Variants in CREB5 observed in about 807,000 individuals in gnomAD.
The protein encoded by CREB5 is cyclic AMP-responsive element-binding protein 5.
In CREB5, 19 loss-of-function variants were observed where a neutral mutation model predicts 57.1. The observed-to-expected ratio is 0.33, with a 90% CI of 0.23 to 0.49. CREB5 has a LOEUF of 0.49. CREB5 is among the 20% of genes least tolerant of loss of function. The pLI is 0.99. For synonymous variants in CREB5, 238 were observed against 238.3 expected (o/e 1.00, Z 0.01); for missense variants, 579 against 671.6 (o/e 0.86, Z 1.52).
chr7:28,665,391 C>A (rs1472548513), intron 5 of CREB5, among the ~76,000 whole-genome samples: 1 of 152,140 alleles, frequency 6.6e-6, no homozygotes, highest in Non-Finnish European at 1.5e-5. Flanking sequence ...CTTCCTCCCC[C>A]AAACAGTAAT....
intron 2 of CREB5, among the ~76,000 whole-genome samples, chr7:28,490,508 C>A (rs1006642893): frequency 6.6e-6 from 1 of 152,188 alleles, no homozygotes; most frequent in East Asian, 1.9e-4. Flanking sequence ...TAAGCCATAT[C>A]TAATATTTAG....
chr7:28,388,713 C>G (rs1201256543), intron 1 of CREB5, among the ~76,000 whole-genome samples: 2 of 152,152 alleles, frequency 1.3e-5, no homozygotes, highest in Non-Finnish European at 2.9e-5. Context: ...CAAAACTGAG[C>G]CTCTGAACTC....
chr7:28,365,777 C>T (rs1032427818), intron 1 of CREB5, among the ~76,000 whole-genome samples: 11 of 152,282 alleles, frequency 7.2e-5, no homozygotes, highest in Middle Eastern at 3.4e-3. Context: ...CGCAGCCAAA[C>T]GCTCCCTCTT....
In CREB5 at chr7:28,638,353, T is replaced by TTTTTTTCTTTTTTC. The variant is rs1471531652; in HGVS notation, c.464+67822_464+67823insCTTTTTTCTTTTTT. ...AGGAAGGTTTGCATATTCTTTTTTC[T>TTTTTTTCTTTTTTC]TTTTTTTTTGGAAACAGAATCTCAC... On this transcript the variant is annotated intron_variant, in intron 5 of 10. Transcript: ENST00000357727. 1.1e-3 allele frequency among the ~76,000 whole-genome samples: 169 copies of TTTTTTTCTTTTTTC among 149,344 alleles called. 3 individuals carry two copies. Among genetic ancestry groups the TTTTTTTCTTTTTTC allele is most frequent in the African/African-American group, 3.8e-3 (156 of 40,878 alleles).
intron 1 of CREB5, among the ~76,000 whole-genome samples, chr7:28,447,605 A>T (rs1789549016): frequency 6.6e-6 from 1 of 152,080 alleles, no homozygotes; most frequent in Non-Finnish European, 1.5e-5. Flanking sequence ...GACCCTACAC[A>T]TGCACCTGCT....
chr7:28,329,056 TG>T (rs143869247), intron 1 of CREB5, among the ~76,000 whole-genome samples: 15,952 of 152,280 alleles, frequency 0.1, 1,024 homozygotes, highest in Middle Eastern at 0.16. Flanking sequence ...ATCACTTCAG[TG>T]TAACCCATGA....
At chr7:28,657,538 G>A (rs1208303730) in intron 5 of CREB5, among the ~76,000 whole-genome samples, 1 of 151,916 alleles carries the variant, frequency 6.6e-6, no homozygotes, top group Non-Finnish European at 1.5e-5. Flanking sequence ...AGACCAGCCT[G>A]GCCAATATAG....
At chr7:28,584,166 C>T (rs1796227500) in intron 5 of CREB5, among the ~76,000 whole-genome samples, 1 of 152,158 alleles carries the variant, frequency 6.6e-6, no homozygotes, top group Non-Finnish European at 1.5e-5. Context: ...TGCCCAGCCC[C>T]TGGGACAGTC....
At chr7:28,805,747 CTG>C in intron 8 of CREB5, among the ~76,000 whole-genome samples, 1 of 152,124 alleles carries the variant, frequency 6.6e-6, no homozygotes. Context: ...GCCTTCCTCA[CTG>C]TGTGATTGTG....
In CREB5 at chr7:28,507,664, G is replaced by A. The variant is rs1792536685; in HGVS notation, c.218G>A (p.Gly73Asp). 6.2e-7 allele frequency: 1 copy of A among 1,612,330 alleles called. No homozygotes were observed. The highest frequency in any genetic ancestry group is 8.5e-7 in the Non-Finnish European group (1 of 1,178,682). Residue 73 changes from glycine (G) to aspartate (D), a missense_variant, in exon 4 of 11, where the codon GGC (glycine) becomes GAC (aspartate). Around this residue, in one of 3 missense-constraint regions of CREB5, gnomAD observed 459 missense variants for 515.7 expected, o/e 0.89. Coordinates refer to ENST00000357727, the MANE Select transcript of CREB5 (RefSeq NM_182898.4). ...TTCCTGAAGAACTGCGAGGAGGTGG[G>A]CCTCTTCAGCGAGCTGGACTGCTCC... ...TRFLKNCEEV[G>D]LFSELDCSLE...
intron 1 of CREB5, among the ~76,000 whole-genome samples, chr7:28,458,722 G>A (rs1790220441): frequency 6.6e-6 from 1 of 152,142 alleles, no homozygotes; most frequent in African/African-American, 2.4e-5. Flanking sequence ...GCCTCTCTGA[G>A]CCCAATTTAG....
intron 1 of CREB5, among the ~76,000 whole-genome samples, chr7:28,428,610 A>G (rs1788597621): frequency 6.6e-6 from 1 of 152,194 alleles, no homozygotes; most frequent in Non-Finnish European, 1.5e-5. Context: ...GTTGTCATCG[A>G]CTGAGATGGG....
chr7:28,496,465 G>A (rs890766007), intron 3 of CREB5, among the ~76,000 whole-genome samples: 1 of 152,148 alleles, frequency 6.6e-6, no homozygotes, highest in Non-Finnish European at 1.5e-5. Context: ...GGTTTTGTCA[G>A]ACAGGTTATT....
chr7:28,560,981 C>CGCGTGT (rs1795227077), intron 4 of CREB5, among the ~76,000 whole-genome samples: 1 of 22,434 alleles, frequency 4.5e-5, no homozygotes, highest in Non-Finnish European at 1.0e-4. Context: ...TGCGTGTGTG[C>CGCGTGT]GTGCGTGTGT....
chr7:28,766,092 A>AG (rs1805962633), intron 7 of CREB5, among the ~76,000 whole-genome samples: 1 of 151,864 alleles, frequency 6.6e-6, no homozygotes, highest in Admixed American at 6.6e-5. Context: ...CAACTAAAAA[A>AG]AAAATGAGAT....
chr7:28,666,537 T>G (rs1799830821), intron 5 of CREB5, among the ~76,000 whole-genome samples: 1 of 143,884 alleles, frequency 7.0e-6, no homozygotes, highest in African/African-American at 2.6e-5. Flanking sequence ...CTGTTTACTT[T>G]TAAAATATAT....
intron 1 of CREB5, among the ~76,000 whole-genome samples, chr7:28,356,429 G>T (rs1014933262): frequency 1.3e-5 from 2 of 152,158 alleles, no homozygotes; most frequent in Non-Finnish European, 2.9e-5. Flanking sequence ...TTAGGCAATG[G>T]TTTGGTACTC....
chr7:28,598,762 A>T (rs1468579923), intron 5 of CREB5, among the ~76,000 whole-genome samples: 3 of 152,124 alleles, frequency 2.0e-5, no homozygotes, highest in Non-Finnish European at 4.4e-5. Flanking sequence ...TGATGTTAAG[A>T]AGAGCGGCAT....
At chr7:28,808,343 T>C (rs1808876159) in intron 8 of CREB5, among the ~76,000 whole-genome samples, 1 of 152,180 alleles carries the variant, frequency 6.6e-6, no homozygotes, top group Non-Finnish European at 1.5e-5. Context: ...CTTCTTTTCA[T>C]AGGAGTCACA....
Sources: allele counts gnomAD v4.1 joint callset (sites outside exome capture counted in the v4.1 genomes callset), GRCh38; gene constraint gnomAD v4.1.1; regional missense constraint gnomAD v4.1.1; transcripts MANE v1.5; gene names NCBI Gene and HGNC (gene_info 2026-07-23, HGNC 2026-07-21).